The following PMS1 variants were observed in gnomAD, a reference collection of about 807,000 sequenced individuals.
PMS1 encodes PMS1 homolog 1, mismatch repair system component, also known as PMS1 protein homolog 1.
In PMS1, 79 loss-of-function variants were observed where a neutral mutation model predicts 93.1. That is an observed-to-expected ratio of 0.85 (90% CI 0.71 to 1.02). The LOEUF is 1.02. PMS1 is among the 50% of genes least tolerant of loss of function. The pLI, the probability that PMS1 is intolerant of heterozygous loss-of-function variation, is 0.00. For synonymous variants in PMS1, 335 were observed against 363.4 expected, an observed-to-expected ratio of 0.92 and a Z score of 0.89; for missense variants, 1,064 against 1,085.3, an observed-to-expected ratio of 0.98 and a Z score of 0.28.
intron 11 of PMS1, among the ~76,000 whole-genome samples, chr2:189,872,487 C>A (rs1357862447): frequency 6.6e-6 from 1 of 152,148 alleles, no homozygotes; most frequent in South Asian, 2.1e-4. Flanking sequence ...AACACTGTTA[C>A]ACCGATACAG....
chr2:189,798,416 C>G (rs963771194), intron 3 of PMS1, among the ~76,000 whole-genome samples: 22 of 152,136 alleles, frequency 1.4e-4, no homozygotes, highest in African/African-American at 5.1e-4. Context: ...GTTTAGAGAT[C>G]ATTAAAGGGA....
chr2:189,846,867 T>C (rs1056327068), intron 6 of PMS1, among the ~76,000 whole-genome samples: 3 of 151,542 alleles, frequency 2.0e-5, no homozygotes, highest in African/African-American at 4.8e-5. Context: ...TTTTTTCTTT[T>C]TTTTTTTTTT....
intron 5 of PMS1, among the ~76,000 whole-genome samples, chr2:189,829,378 T>G (rs925699468): frequency 5.3e-5 from 8 of 152,220 alleles, no homozygotes; most frequent in African/African-American, 1.9e-4. Context: ...TCTATCTTAC[T>G]CTCTTCAACA....
intron 6 of PMS1, among the ~76,000 whole-genome samples, chr2:189,849,227 G>C (rs1272985997): frequency 6.6e-6 from 1 of 152,104 alleles, no homozygotes; most frequent in African/African-American, 2.4e-5. Context: ...GGGCTTGATG[G>C]AGCTCCTGAA....
Position 189,867,943 on chromosome 2 carries a change from G to C in PMS1, c.2473+14G>C. ...AATTGATACCAGGTATGATAGTGTG[G>C]TTTAATATTTTCTGATGTGGAAAAA... On this transcript the variant is annotated intron_variant, in intron 11 of 12. Transcript: ENST00000441310. The C allele has an allele frequency of 6.2e-7, 1 of 1,602,924 alleles. No individual in the cohort carries two copies.
chr2:189,821,951 A>G (rs559593741), intron 5 of PMS1, among the ~76,000 whole-genome samples: 1 of 152,342 alleles, frequency 6.6e-6, no homozygotes, highest in East Asian at 1.9e-4. Context: ...AGAGGTTTAT[A>G]TCATTTTCCC....
At chr2:189,797,639 A>C (rs1559220098) in intron 3 of PMS1, among the ~76,000 whole-genome samples, 1 of 152,192 alleles carries the variant, frequency 6.6e-6, no homozygotes, top group Non-Finnish European at 1.5e-5. Context: ...GACCCTATTT[A>C]GGCAAGAATG....
At chr2:189,805,993 C>T in intron 4 of PMS1, 1 of 1,331,944 alleles carries the variant, frequency 7.5e-7, no homozygotes, top group African/African-American at 1.5e-5. Context: ...ACTAGTTACT[C>T]CTCTGTAAAA....
chr2:189,801,421 G>A (rs1245788612), intron 3 of PMS1, among the ~76,000 whole-genome samples: 1 of 152,094 alleles, frequency 6.6e-6, no homozygotes, highest in Non-Finnish European at 1.5e-5. Context: ...TGAAAATCCT[G>A]TCTTGACCGT....
chr2:189,869,716 C>T (rs957161320), intron 11 of PMS1, among the ~76,000 whole-genome samples: 5 of 151,574 alleles, frequency 3.3e-5, no homozygotes, highest in African/African-American at 1.2e-4. Context: ...ACTTGGGAGG[C>T]TGAGGCAGGA....
rs1376846795 is a variant in PMS1, at chr2:189,864,068, C to T, written c.2182C>T (p.His728Tyr). Reference protein sequence around the residue: ...LEEKDEPCLIHNLRFPDAWLM... With the variant: ...LEEKDEPCLIYNLRFPDAWLM... ...AGAGAAGGATGAACCTTGCTTGATCCACAATCTCAGGTTTCCTGATGCATG... is the reference window on the plus strand; with the variant it reads ...AGAGAAGGATGAACCTTGCTTGATCTACAATCTCAGGTTTCCTGATGCATG... Residue 728 changes from histidine (H) to tyrosine (Y), a missense_variant, in exon 10 of 13, where the codon CAC becomes TAC. Physicochemically the swap from His to Tyr is moderately conservative, Grantham distance 83 (BLOSUM62 2). Coordinates refer to ENST00000441310, the MANE Select transcript of PMS1 (RefSeq NM_000534.5). 5 of 1,613,226 alleles carry T rather than the reference C, an allele frequency of 3.1e-6. No homozygotes were observed. The highest frequency in any genetic ancestry group is 1.6e-4 in the Middle Eastern group (1 of 6,082).
At chr2:189,785,624 T>C (rs993465637) in intron 1 of PMS1, among the ~76,000 whole-genome samples, 10 of 151,964 alleles carry the variant, frequency 6.6e-5, no homozygotes, top group Admixed American at 1.3e-4. Context: ...ATTAATAGAG[T>C]AACTTGTGAT....
At chr2:189,863,159 T>C (rs920454532) in intron 9 of PMS1, among the ~76,000 whole-genome samples, 27 of 152,132 alleles carry the variant, frequency 1.8e-4, no homozygotes, top group African/African-American at 6.5e-4. Flanking sequence ...TGCTTTTGGC[T>C]GTTCTTCAGT....
At chr2:189,809,689 C>CA (rs905277371) in intron 4 of PMS1, among the ~76,000 whole-genome samples, 40 of 151,842 alleles carry the variant, frequency 2.6e-4, no homozygotes, top group African/African-American at 9.4e-4. Flanking sequence ...CCTAAAAATA[C>CA]AAAAAATTAG....
At chr2:189,834,436 G>A (rs1372489748) in intron 5 of PMS1, among the ~76,000 whole-genome samples, 1 of 152,216 alleles carries the variant, frequency 6.6e-6, no homozygotes, top group Admixed American at 6.5e-5. Flanking sequence ...AGACATTTCA[G>A]TAGGAGACTA....
At chr2:189,790,267 GA>G (rs1421897336) in intron 1 of PMS1, among the ~76,000 whole-genome samples, 2 of 152,204 alleles carry the variant, frequency 1.3e-5, no homozygotes, top group African/African-American at 4.8e-5. Context: ...ATGTTTAAAT[GA>G]GACTGTTGGT....
At chr2:189,789,378 GAT>G (rs1007989156) in intron 1 of PMS1, among the ~76,000 whole-genome samples, 4 of 152,128 alleles carry the variant, frequency 2.6e-5, no homozygotes, top group Admixed American at 1.3e-4. Context: ...GGATTTCAGT[GAT>G]TTGCTGAGTT....
intron 11 of PMS1, among the ~76,000 whole-genome samples, chr2:189,871,859 G>T (rs964891712): frequency 1.3e-4 from 20 of 152,330 alleles, no homozygotes; most frequent in African/African-American, 4.8e-4. Flanking sequence ...CATAGTGCTA[G>T]CATCTGCTTC....
At chr2:189,824,876 T>C (rs957106590) in intron 5 of PMS1, among the ~76,000 whole-genome samples, 3 of 152,094 alleles carry the variant, frequency 2.0e-5, no homozygotes, top group African/African-American at 7.2e-5. Context: ...AGCAATGACA[T>C]GTTACTATAA....
Sources: gnomAD v4.1 joint callset for allele counts (sites outside exome capture counted in the v4.1 genomes callset) on GRCh38, gnomAD v4.1.1 for gene constraint, MANE v1.5 for transcripts, NCBI Gene and HGNC (gene_info 2026-07-23, HGNC 2026-07-21) for gene names.